EPS15: variants seen among roughly 807,000 people sequenced by gnomAD.
The protein encoded by EPS15 is epidermal growth factor receptor pathway substrate 15.
Under a neutral mutation model 113.8 loss-of-function variants are expected in EPS15, and 72 were observed. The ratio of observed to expected loss-of-function variants is 0.63; its 90% CI spans 0.52 to 0.77. The LOEUF is 0.77. Ranked by LOEUF, EPS15 falls within the 30% of genes least tolerant of loss-of-function variation. EPS15 has a pLI of 0.00. For synonymous variants in EPS15, 344 were observed against 363.4 expected, an observed-to-expected ratio of 0.95 and a Z score of 0.61; for missense variants, 1,048 against 1,045.8, an observed-to-expected ratio of 1.00 and a Z score of -0.03.
At chr1:51,465,129 T>G in intron 6 of EPS15, 132 bp downstream of exon 6, 1 of 505,208 alleles carries the variant, frequency 2.0e-6, no homozygotes, top group Non-Finnish European at 3.5e-6. Context: ...GAAACACCAG[T>G]AACAGCTTCT....
chr1:51,358,704 T>G (rs532419947), intron 24 of EPS15, among the ~76,000 whole-genome samples: 3 of 144,088 alleles, frequency 2.1e-5, no homozygotes, highest in East Asian at 1.9e-4. Context: ...GATTTGTTTT[T>G]TTTTGTTTTT....
At chr1:51,394,868 A>G (rs183575373) in intron 20 of EPS15, among the ~76,000 whole-genome samples, 280 of 152,004 alleles carry the variant, frequency 1.8e-3, no homozygotes, top group African/African-American at 6.7e-3. Context: ...CTTTTTACTT[A>G]TTTTTTAGAG....
At chr1:51,510,145 CAGTA>C (rs1193081361) in intron 1 of EPS15, among the ~76,000 whole-genome samples, 8 of 152,168 alleles carry the variant, frequency 5.3e-5, no homozygotes, top group African/African-American at 7.2e-5. Flanking sequence ...TAAGTGTGCT[CAGTA>C]AGTATTATTG....
At chr1:51,429,127 TC>T (rs1236977398) in intron 12 of EPS15, among the ~76,000 whole-genome samples, 1 of 152,104 alleles carries the variant, frequency 6.6e-6, no homozygotes, top group African/African-American at 2.4e-5. Flanking sequence ...CATCTTGGCT[TC>T]CATATTCCTG....
intron 8 of EPS15, among the ~76,000 whole-genome samples, chr1:51,448,996 A>G (rs1161630755): frequency 3.3e-5 from 5 of 152,164 alleles, no homozygotes; most frequent in Non-Finnish European, 7.3e-5. Flanking sequence ...TGCTGGTGGG[A>G]ATGTAAAGTA....
In EPS15 at chr1:51,368,318, G is replaced by A. The variant is rs185240452; in HGVS notation, c.2120-2289C>T. Among the ~76,000 whole-genome samples the A allele has an allele frequency of 3.1e-4, 47 of 152,172 alleles. No individual in the cohort carries two copies. The South Asian group carries it at 7.3e-3, about 24-fold the overall frequency. ...TGTTTGCTTTGTCACCAAACATTTC[G>A]TCACCAAGACAGCTGTAGGCAAAGG... On this transcript the variant is annotated intron_variant, in intron 21 of 24. Transcript: ENST00000371733.
chr1:51,455,103 G>C (rs1003161831), intron 8 of EPS15, among the ~76,000 whole-genome samples: 5 of 151,990 alleles, frequency 3.3e-5, no homozygotes, highest in African/African-American at 1.2e-4. Flanking sequence ...AGATTTACGG[G>C]CCTTTTCTTT....
chr1:51,422,076 T>C (rs981241650), intron 12 of EPS15: 27 of 1,215,346 alleles, frequency 2.2e-5, no homozygotes, highest in Non-Finnish European at 2.8e-5. Context: ...CACTAAAATG[T>C]GGTGAAAAGA....
At chr1:51,419,535 C>A (rs1650550839) in intron 13 of EPS15, among the ~76,000 whole-genome samples, 2 of 152,088 alleles carry the variant, frequency 1.3e-5, no homozygotes, top group Non-Finnish European at 2.9e-5. Context: ...GCGGCAGGTA[C>A]TGATAGGTCA....
intron 15 of EPS15, among the ~76,000 whole-genome samples, 183 bp from the exon 16 acceptor site, chr1:51,406,291 C>T (rs750686036): frequency 6.6e-6 from 1 of 152,104 alleles, no homozygotes; most frequent in Non-Finnish European, 1.5e-5. Flanking sequence ...GCCTGAGCAA[C>T]ACGGTGAAAC....
At chr1:51,406,949 A>C (rs1179159716) in intron 15 of EPS15, among the ~76,000 whole-genome samples, 1 of 152,244 alleles carries the variant, frequency 6.6e-6, no homozygotes, top group Non-Finnish European at 1.5e-5. Flanking sequence ...TATATCTTGC[A>C]TGACGAATGA....
intron 21 of EPS15, among the ~76,000 whole-genome samples, chr1:51,388,612 G>A (rs866799388): frequency 0.031 from 4,710 of 152,022 alleles, 79 homozygotes; most frequent in African/African-American, 0.053. Context: ...TCAAATAGAC[G>A]CAATAAAAAC....
intron 12 of EPS15, among the ~76,000 whole-genome samples, chr1:51,429,633 G>A (rs1412399279): frequency 6.9e-6 from 1 of 144,758 alleles, no homozygotes; most frequent in Non-Finnish European, 1.5e-5. Context: ...GCCTTTTACT[G>A]TTGTTGTTGG....
chr1:51,446,453 CTTT>C (rs370161989), intron 10 of EPS15, among the ~76,000 whole-genome samples: 4 of 132,230 alleles, frequency 3.0e-5, no homozygotes, highest in Admixed American at 7.7e-5. Flanking sequence ...CACTGTCATT[CTTT>C]TTTTTTTTTT....
intron 8 of EPS15, among the ~76,000 whole-genome samples, chr1:51,451,215 G>T (rs748974181): frequency 6.6e-6 from 1 of 151,838 alleles, no homozygotes; most frequent in African/African-American, 2.4e-5. Context: ...TAGGCTGGGC[G>T]TGGTGGCTCA....
chr1:51,404,436 C>T (rs1648901863), intron 16 of EPS15, among the ~76,000 whole-genome samples: 1 of 151,422 alleles, frequency 6.6e-6, no homozygotes, highest in African/African-American at 2.4e-5. Flanking sequence ...TATCTATTTG[C>T]AGGATAACCT....
chr1:51,505,115 G>A (rs1404718626), intron 1 of EPS15, among the ~76,000 whole-genome samples: 4 of 150,050 alleles, frequency 2.7e-5, no homozygotes, highest in African/African-American at 9.8e-5. Flanking sequence ...GTGAGACTGT[G>A]TCTCAAAAAA....
rs188028646 is a variant in EPS15 at position 51,362,886 on chromosome 1, C to T, written c.2359+980G>A. Among the ~76,000 whole-genome samples the T allele has an allele frequency of 1.7e-4, 26 of 152,268 alleles. No individual in the cohort carries two copies. The East Asian group carries it at 3.9e-3, about 23-fold the overall frequency. ...CTACTCAAGGAATTATCCTTTTAGC[C>T]ACTTATTATGACCTAAAAACAAAAC... On this transcript the variant is annotated intron_variant, in intron 23 of 24. Transcript: ENST00000371733.
intron 13 of EPS15, among the ~76,000 whole-genome samples, chr1:51,419,399 C>G (rs1285541624): frequency 2.0e-5 from 3 of 150,692 alleles, no homozygotes; most frequent in Non-Finnish European, 3.0e-5. Context: ...TACATAAACA[C>G]AAAACAAAAA....
Sources: allele counts gnomAD v4.1 joint callset (sites outside exome capture counted in the v4.1 genomes callset), GRCh38; gene constraint gnomAD v4.1.1; transcripts MANE v1.5; gene names NCBI Gene and HGNC (gene_info 2026-07-23, HGNC 2026-07-21).